Variants in HERC2 observed in about 807,000 individuals in gnomAD.
The protein encoded by HERC2 is HECT and RLD domain containing E3 ubiquitin protein ligase 2, also known as E3 ubiquitin-protein ligase HERC2.
Under a neutral mutation model 537.7 loss-of-function variants are expected in HERC2, and 102 were observed. That is an observed-to-expected ratio of 0.19 (90% CI 0.16 to 0.22). HERC2 has a LOEUF of 0.22. Ranked by LOEUF, HERC2 falls within the 10% of genes least tolerant of loss-of-function variation. The pLI is 1.00. For synonymous variants in HERC2, 2,224 were observed against 2,466.2 expected, an observed-to-expected ratio of 0.90 and a Z score of 2.91; for missense variants, 4,236 against 6,198.2, an observed-to-expected ratio of 0.68 and a Z score of 10.63.
intron 52 of HERC2, among the ~76,000 whole-genome samples, chr15:28,194,777 T>C: frequency 6.6e-6 from 1 of 152,180 alleles, no homozygotes; most frequent in East Asian, 1.9e-4. Flanking sequence ...AAATTTTGGC[T>C]GGATGCAGTG....
Position 28,113,756 on chromosome 15 carries a change from C to CAGCA in HERC2, c.13914-82_13914-79dup. ...GCTGCTCACACCAAGCCTTGGCATG[C>CAGCA]AGCACTGTGGCCGCACACGTCCCAG... On this transcript the variant is annotated intron_variant, in intron 90 of 92. Coordinates refer to ENST00000261609, the MANE Select transcript of HERC2 (RefSeq NM_004667.6). This position sits in a 1 kb window ranked among gnomAD's most constrained non-coding sequence, Gnocchi z 7.0. The CAGCA allele has an allele frequency of 8.3e-7, 1 of 1,208,374 alleles. No homozygotes were observed. The highest frequency in any genetic ancestry group is 1.3e-5 in the South Asian group (1 of 78,868). The allele number at this position is 1,208,374 out of a possible 1,614,324, so 74.9% of individuals were successfully genotyped here.
chr15:28,305,830 A>G (rs2076771241), intron 2 of HERC2, among the ~76,000 whole-genome samples: 1 of 150,982 alleles, frequency 6.6e-6, no homozygotes, highest in African/African-American at 2.4e-5. Flanking sequence ...ACAAATTTAC[A>G]AGAAAAAAAC....
At chr15:28,128,639 A>G (rs1261801399) in intron 83 of HERC2, among the ~76,000 whole-genome samples, 1 of 152,226 alleles carries the variant, frequency 6.6e-6, no homozygotes. Flanking sequence ...TGCGAAGGCC[A>G]TGTTAATGAA....
intron 30 of HERC2, among the ~76,000 whole-genome samples, chr15:28,232,820 A>G (rs1026847021): frequency 6.6e-6 from 1 of 152,222 alleles, no homozygotes; most frequent in Non-Finnish European, 1.5e-5. Context: ...AAATGTTCCC[A>G]TTATATCTCA....
At chr15:28,184,696 C>T (rs1896135531) in intron 56 of HERC2, among the ~76,000 whole-genome samples, 1 of 151,588 alleles carries the variant, frequency 6.6e-6, no homozygotes, top group African/African-American at 2.4e-5. Context: ...CCCGTCTCTA[C>T]TAAAAATACA....
At chr15:28,114,524 C>T in intron 90 of HERC2, 88 bp downstream of exon 90, 1 of 1,171,418 alleles carries the variant, frequency 8.5e-7, no homozygotes, top group South Asian at 1.4e-5. Context: ...CTGTGTATGA[C>T]ACTCCTGAAA....
intron 2 of HERC2, among the ~76,000 whole-genome samples, chr15:28,318,646 A>G (rs760614290): frequency 2.0e-5 from 3 of 152,020 alleles, no homozygotes; most frequent in South Asian, 2.1e-4. Context: ...GTATTGTACA[A>G]TTAAACTGTT....
intron 1 of HERC2, 49 bp from the exon 2 acceptor site, chr15:28,321,513 C>CA: frequency 1.0e-6 from 1 of 958,396 alleles, no homozygotes; most frequent in Non-Finnish European, 1.6e-6. Context: ...TAATAGTTTA[C>CA]AAAGACACTC....
chr15:28,126,407 A>C (rs1889490499), intron 83 of HERC2, among the ~76,000 whole-genome samples: 1 of 152,230 alleles, frequency 6.6e-6, no homozygotes, highest in Non-Finnish European at 1.5e-5. Context: ...AAAAGACGTC[A>C]TTATTTGAAA....
chr15:28,256,214 C>G lies in HERC2; in HGVS notation c.2621G>C (p.Ser874Thr), dbSNP rs1217870644. 2.5e-6 allele frequency: 4 copies of G among 1,600,378 alleles called. No individual in the cohort carries two copies. The highest frequency in any genetic ancestry group is 3.3e-5 in the Admixed American group (2 of 59,984). Residue 874 changes from serine (S) to threonine (T), a missense_variant, in exon 18 of 93, where the codon AGC becomes ACC. Coordinates refer to ENST00000261609, the MANE Select transcript of HERC2 (RefSeq NM_004667.6). ...CACGGTGCTCAGCACGCCCGCACTGCTGGCCAGGGTCACCACCGTCTGCTT... is the reference window on the plus strand; with the variant it reads ...CACGGTGCTCAGCACGCCCGCACTGGTGGCCAGGGTCACCACCGTCTGCTT... ...SLKQTVVTLA[S>T]SAGVLSTVQS...
At chr15:28,285,795 ATGAC>A (rs1445346650) in intron 4 of HERC2, among the ~76,000 whole-genome samples, 2 of 137,744 alleles carry the variant, frequency 1.5e-5, no homozygotes. Context: ...CTCTCTAAGC[ATGAC>A]TGACAAAAAA....
At chr15:28,143,794 T>C in intron 74 of HERC2, 79 bp downstream of exon 74, 1 of 1,566,720 alleles carries the variant, frequency 6.4e-7, no homozygotes, top group African/African-American at 1.4e-5. Context: ...TCTCAACGAT[T>C]TAGAGGTTTA....
In HERC2 at chr15:28,265,684, C is replaced by T; in HGVS notation, c.1804G>A (p.Gly602Arg). The change falls in exon 14 of 93, where the codon GGA (glycine) becomes AGA (arginine). Residue 602 changes from glycine to arginine, a missense_variant. Gly to Arg is a moderately radical substitution (Grantham distance 125). Transcript: ENST00000261609. The surrounding 1 kb of genome is among the most constrained non-coding windows in gnomAD (Gnocchi z 4.0). ...AIPMLVAGLK[G>R]LKVIDVACGS... ...CACGCCACATCGATGACCTTCAGTC[C>T]TTTAAGCCCGGCTACCAGCATCGGA... 6.2e-7 allele frequency: 1 copy of T among 1,614,206 alleles called. No individual in the cohort carries two copies. The highest frequency in any genetic ancestry group is 1.3e-5 in the African/African-American group (1 of 75,068).
At chr15:28,192,609 T>G (rs555235385) in intron 52 of HERC2, among the ~76,000 whole-genome samples, 4 of 151,976 alleles carry the variant, frequency 2.6e-5, no homozygotes, top group African/African-American at 9.7e-5. Context: ...ATAAATAAAT[T>G]CTCTTCGAAC....
chr15:28,281,450 G>A (rs995958552), intron 4 of HERC2, among the ~76,000 whole-genome samples: 12 of 152,094 alleles, frequency 7.9e-5, no homozygotes, highest in East Asian at 1.9e-4. Context: ...CACCAGCCTC[G>A]CAGCCCTGGA....
At chr15:28,196,937 C>A (rs1897399411) in intron 50 of HERC2, among the ~76,000 whole-genome samples, 1 of 152,226 alleles carries the variant, frequency 6.6e-6, no homozygotes, top group African/African-American at 2.4e-5. Flanking sequence ...CCTTCGGTAT[C>A]TCAGGGAATA....
intron 56 of HERC2, among the ~76,000 whole-genome samples, chr15:28,183,566 A>G (rs1896023435): frequency 6.6e-6 from 1 of 152,180 alleles, no homozygotes; most frequent in African/African-American, 2.4e-5. Context: ...GCAACTTGAA[A>G]AGAGTACACA....
chr15:28,263,003 A>G lies in HERC2; in HGVS notation c.2037T>C (p.Tyr679=). The G allele has an allele frequency of 6.2e-7, 1 of 1,614,192 alleles. No homozygotes were observed. Among genetic ancestry groups the G allele is most frequent in the Non-Finnish European group, 8.5e-7 (1 of 1,180,040 alleles). ...SIALTKDGQV[Y]SWGKGDNQRL... Reference sequence around the variant, plus strand: ...TCTGGTTGTCACCTTTTCCCCATGAATAAACTTGGCCATCTTTCGTCAAAG... The same window carrying G: ...TCTGGTTGTCACCTTTTCCCCATGAGTAAACTTGGCCATCTTTCGTCAAAG... Residue 679 remains tyrosine, a synonymous_variant, in exon 15 of 93, where the codon TAT becomes TAC. Transcript: ENST00000261609.
In HERC2 at chr15:28,174,609, C is replaced by G; in HGVS notation, c.9843G>C (p.Trp3281Cys). ...AVTDSGQVYA[W>C]GDNDHGQQGN... The stretch of plus-strand genomic sequence containing the variant: ...CCTGCTGGCCGTGGTCGTTGTCACC[C>G]CAAGCATACACCTGTTTACGAGGAG... Residue 3281 changes from tryptophan (W) to cysteine (C), a missense_variant, in exon 65 of 93, where the codon TGG becomes TGC. By Grantham distance (215) the Trp-to-Cys change is radical. This residue lies in a region of HERC2 where 93 missense variants were observed against 265.1 expected (regional missense o/e 0.35). Transcript: ENST00000261609. 1 of 1,607,072 alleles carries G rather than the reference C, an allele frequency of 6.2e-7. No homozygotes were observed. The highest frequency in any genetic ancestry group is 8.5e-7 in the Non-Finnish European group (1 of 1,174,268).
Sources: gnomAD v4.1 joint callset for allele counts (sites outside exome capture counted in the v4.1 genomes callset) on GRCh38, gnomAD v4.1.1 for gene constraint, gnomAD v4.1.1 regional missense constraint, Gnocchi (gnomAD v3.1) non-coding constraint, MANE v1.5 for transcripts, NCBI Gene and HGNC (gene_info 2026-07-23, HGNC 2026-07-21) for gene names.